PARD3: variants seen among roughly 807,000 people sequenced by gnomAD.
PARD3 encodes partitioning defective 3 homolog.
In PARD3, 75 loss-of-function variants were observed where a neutral mutation model predicts 155.4. That is an observed-to-expected ratio of 0.48 (90% CI 0.40 to 0.58). The LOEUF (loss-of-function observed/expected upper bound fraction) is 0.58, where lower values mean the gene tolerates loss of function less well. Among genes scored for constraint, PARD3 ranks in the 20% least tolerant of loss-of-function variants. PARD3 has a pLI of 0.00. For synonymous variants in PARD3, 576 were observed against 610.5 expected (o/e 0.94, Z 0.83); for missense variants, 1,642 against 1,721.7 (o/e 0.95, Z 0.82).
At chr10:34,220,104 G>T (rs671228) in intron 22 of PARD3, among the ~76,000 whole-genome samples, 1 of 151,978 alleles carries the variant, frequency 6.6e-6, no homozygotes, top group Non-Finnish European at 1.5e-5. Context: ...TATTGAAACT[G>T]AATTATTAAC....
At chr10:34,381,938 A>G (rs867839473) in intron 9 of PARD3, among the ~76,000 whole-genome samples, 5,290 of 133,718 alleles carry the variant, frequency 0.04, 96 homozygotes, top group Non-Finnish European at 0.049. Context: ...AAAAAAAAAA[A>G]AAAGAAAGAA....
chr10:34,357,156 A>G (rs931619306), intron 14 of PARD3, among the ~76,000 whole-genome samples: 1 of 152,182 alleles, frequency 6.6e-6, no homozygotes, highest in Non-Finnish European at 1.5e-5. Context: ...TTACTTTGTC[A>G]CTATTTGGGG....
chr10:34,302,541 A>G (rs767035517), intron 20 of PARD3, among the ~76,000 whole-genome samples: 7 of 152,174 alleles, frequency 4.6e-5, no homozygotes, highest in Non-Finnish European at 7.3e-5. Context: ...TTAGGTTCTT[A>G]GCCACTACCC....
chr10:34,741,133 T>C (rs538530886), intron 1 of PARD3, among the ~76,000 whole-genome samples: 12 of 151,218 alleles, frequency 7.9e-5, no homozygotes, highest in African/African-American at 1.5e-4. Context: ...AACCTACAAA[T>C]TGCCTATGGA....
At chr10:34,458,924 A>C (rs924484891) in intron 4 of PARD3, among the ~76,000 whole-genome samples, 5 of 152,130 alleles carry the variant, frequency 3.3e-5, no homozygotes, top group African/African-American at 1.2e-4. Flanking sequence ...CGGGACCACC[A>C]TTTTTGACCT....
chr10:34,506,381 G>T (rs2133489051), intron 3 of PARD3, among the ~76,000 whole-genome samples: 1 of 152,240 alleles, frequency 6.6e-6, no homozygotes, highest in Middle Eastern at 3.4e-3. Flanking sequence ...CATCAGGAAG[G>T]TGAACTGGGA....
At chr10:34,639,261 T>C (rs537351886) in intron 2 of PARD3, among the ~76,000 whole-genome samples, 2 of 151,922 alleles carry the variant, frequency 1.3e-5, no homozygotes, top group South Asian at 4.2e-4. Context: ...CCAGGCATGG[T>C]GGCACGTGAC....
At chr10:34,658,779 G>A (rs1327791201) in intron 2 of PARD3, among the ~76,000 whole-genome samples, 7 of 152,100 alleles carry the variant, frequency 4.6e-5, no homozygotes, top group South Asian at 2.1e-4. Flanking sequence ...ACGTCTCCTC[G>A]AAAAGCAGAG....
intron 21 of PARD3, among the ~76,000 whole-genome samples, chr10:34,278,163 C>T (rs748342236): frequency 2.6e-5 from 4 of 151,946 alleles, no homozygotes; most frequent in Non-Finnish European, 5.9e-5. Flanking sequence ...CCTCCCACAC[C>T]AGCCTCCTGA....
chr10:34,375,057 C>CACAA, intron 10 of PARD3, 55 bp from the exon 11 acceptor site: 1 of 395,406 alleles, frequency 2.5e-6, no homozygotes, highest in Non-Finnish European at 4.1e-6. Context: ...CAGGAAAACA[C>CACAA]ACACACACAC....
chr10:34,450,219 T>G, intron 5 of PARD3, 98 bp downstream of exon 5: 2 of 1,159,120 alleles, frequency 1.7e-6, no homozygotes, highest in Non-Finnish European at 2.5e-6. Context: ...AATAATTAAC[T>G]TTTAATCATC....
Position 34,505,181 on chromosome 10 carries a change from C to T in PARD3, c.403+11798G>A, listed in dbSNP as rs575719532. 1.2e-4 allele frequency among the ~76,000 whole-genome samples: 19 copies of T among 152,288 alleles called. No individual in the cohort carries two copies. In the East Asian group the frequency reaches 3.5e-3, roughly 28 times the overall value. On this transcript the variant is annotated intron_variant, in intron 3 of 24. Coordinates refer to ENST00000374788, the MANE Select transcript of PARD3 (RefSeq NM_001184785.2). ...GATTTCTTGCTTTGATTTAAACAGGCTTTCTTAACATATTCACAGCTACAT... is the reference window on the plus strand; with the variant it reads ...GATTTCTTGCTTTGATTTAAACAGGTTTTCTTAACATATTCACAGCTACAT...
chr10:34,573,693 C>T (rs938960298), intron 2 of PARD3, among the ~76,000 whole-genome samples: 3 of 146,868 alleles, frequency 2.0e-5, no homozygotes, highest in Middle Eastern at 3.5e-3. Flanking sequence ...GGTGAGAGAA[C>T]GAGACTCCGT....
intron 1 of PARD3, among the ~76,000 whole-genome samples, chr10:34,725,786 TAACACCAGGACTGC>T (rs1168139256): frequency 6.6e-6 from 1 of 152,184 alleles, no homozygotes; most frequent in Non-Finnish European, 1.5e-5. Context: ...CTTGGGTAGC[TAACACCAGGACTGC>T]AACTGAACAA....
chr10:34,735,018 T>C (rs538531171), intron 1 of PARD3, among the ~76,000 whole-genome samples: 2 of 142,316 alleles, frequency 1.4e-5, no homozygotes, highest in Non-Finnish European at 1.5e-5. Flanking sequence ...AAGAGCAAAA[T>C]GGATAAATTA....
At chr10:34,255,854 G>A (rs954636434) in intron 22 of PARD3, among the ~76,000 whole-genome samples, 6 of 152,054 alleles carry the variant, frequency 3.9e-5, no homozygotes, top group Admixed American at 2.0e-4. Flanking sequence ...ATAAAGAAAC[G>A]TACTTTTCCA....
intron 1 of PARD3, among the ~76,000 whole-genome samples, chr10:34,726,817 T>C (rs969272749): frequency 1.3e-5 from 2 of 152,048 alleles, no homozygotes; most frequent in Non-Finnish European, 2.9e-5. Flanking sequence ...CTCATATGTA[T>C]AAGGAAAGGC....
chr10:34,538,967 A>T (rs1589931793), intron 2 of PARD3, among the ~76,000 whole-genome samples: 2 of 152,136 alleles, frequency 1.3e-5, no homozygotes, highest in African/African-American at 4.8e-5. Flanking sequence ...AAAATGAAAA[A>T]TTTTTCATAA....
At chr10:34,691,107 T>C (rs1013661871) in intron 2 of PARD3, among the ~76,000 whole-genome samples, 3 of 152,092 alleles carry the variant, frequency 2.0e-5, no homozygotes, top group Admixed American at 6.6e-5. Flanking sequence ...TCCCAACTAC[T>C]CAAGAGGTGA....
Sources: gnomAD v4.1 joint callset for allele counts (sites outside exome capture counted in the v4.1 genomes callset) on GRCh38, gnomAD v4.1.1 for gene constraint, MANE v1.5 for transcripts, NCBI Gene and HGNC (gene_info 2026-07-23, HGNC 2026-07-21) for gene names.